The following CMSS1 variants were observed in gnomAD, a reference collection of about 807,000 sequenced individuals.
CMSS1 encodes protein CMSS1.
CMSS1 carries 33 observed loss-of-function variants against 43.5 expected under a neutral mutation model. The ratio of observed to expected loss-of-function variants is 0.76; its 90% confidence interval spans 0.57 to 1.01. CMSS1 has a LOEUF of 1.01. Ranked by LOEUF, CMSS1 falls within the 50% of genes least tolerant of loss-of-function variation. The pLI is 0.00. For synonymous variants in CMSS1, 115 were observed against 117.2 expected (o/e 0.98, Z 0.12); for missense variants, 313 against 326.4 (o/e 0.96, Z 0.32).
At chr3:99,851,434 C>T (rs1245222800) in intron 1 of CMSS1, among the ~76,000 whole-genome samples, 1 of 152,192 alleles carries the variant, frequency 6.6e-6, no homozygotes. Context: ...GGCTTCAAGG[C>T]CGACCCTACT....
At chr3:100,080,479 T>A (rs949711790) in intron 1 of CMSS1, among the ~76,000 whole-genome samples, 2 of 152,184 alleles carry the variant, frequency 1.3e-5, no homozygotes, top group African/African-American at 4.8e-5. Flanking sequence ...AATTTTATAG[T>A]AAGAGATGGG....
At chr3:100,130,119 A>G (rs530055535) in intron 1 of CMSS1, among the ~76,000 whole-genome samples, 17 of 152,318 alleles carry the variant, frequency 1.1e-4, no homozygotes, top group East Asian at 5.8e-4. Context: ...CCTGAGCCCT[A>G]TAGCCTATTT....
At chr3:100,132,557 C>T (rs190706663) in intron 1 of CMSS1, among the ~76,000 whole-genome samples, 3 of 152,150 alleles carry the variant, frequency 2.0e-5, no homozygotes, top group Non-Finnish European at 4.4e-5. Context: ...CGGTGGCTCA[C>T]GCCTGTAATC....
chr3:99,908,480 T>C (rs1706691353), intron 1 of CMSS1, among the ~76,000 whole-genome samples: 1 of 152,194 alleles, frequency 6.6e-6, no homozygotes, highest in Non-Finnish European at 1.5e-5. Flanking sequence ...GAATCTATAC[T>C]TTTAAGTGTC....
chr3:100,078,899 C>T lies in CMSS1; in HGVS notation c.65-68074C>T, dbSNP rs185556834. Among the ~76,000 whole-genome samples, 9 of 151,978 alleles carry T rather than the reference C, an allele frequency of 5.9e-5. 1 individual carries two copies. The highest frequency in any genetic ancestry group is 4.6e-4 in the Admixed American group (7 of 15,254). Reference sequence around the variant, plus strand: ...GAGTGGGACTCCATATCAAAAAAAACGGAAAAAAAGATTGCAAAAAATCTC... The same window carrying T: ...GAGTGGGACTCCATATCAAAAAAAATGGAAAAAAAGATTGCAAAAAATCTC... On this transcript the variant is annotated intron_variant, in intron 1 of 9. Coordinates refer to ENST00000421999, the MANE Select transcript of CMSS1 (RefSeq NM_032359.4).
rs1020793594 is a variant in CMSS1 at position 100,179,628 on chromosome 3, C to T, written c.*1240C>T. ...TCCCAAGGCCTTAGGCAGCTCTGCC[C>T]CTGTGGCTCTGCAGGGTACAGTCCC... is the stretch of plus-strand genomic sequence containing the variant. On this transcript the variant is annotated 3_prime_UTR_variant, in exon 10 of 10. Transcript: ENST00000421999. 9.2e-5 allele frequency: 14 copies of T among 152,300 alleles called. No individual in the cohort carries two copies. The highest frequency in any genetic ancestry group is 2.1e-4 in the South Asian group (1 of 4,830). The allele number at this position is 152,300 out of a possible 1,614,324, so 9.4% of individuals were successfully genotyped here.
chr3:99,899,492 T>A (rs1031724470), intron 1 of CMSS1, among the ~76,000 whole-genome samples: 1 of 152,214 alleles, frequency 6.6e-6, no homozygotes, highest in African/African-American at 2.4e-5. Flanking sequence ...ACTAAACAAG[T>A]TATTGTATAT....
intron 1 of CMSS1, among the ~76,000 whole-genome samples, chr3:99,992,605 T>G (rs1490585004): frequency 2.6e-5 from 4 of 152,132 alleles, no homozygotes; most frequent in Non-Finnish European, 5.9e-5. Flanking sequence ...TTTTTCCCAT[T>G]CTATAGATGG....
intron 1 of CMSS1, among the ~76,000 whole-genome samples, chr3:99,994,091 A>G (rs1177869662): frequency 2.0e-5 from 3 of 152,010 alleles, no homozygotes; most frequent in Non-Finnish European, 4.4e-5. Flanking sequence ...AATCCATTTG[A>G]TCTTGTGCTT....
At chr3:100,008,741 AT>A (rs1214674020) in intron 1 of CMSS1, among the ~76,000 whole-genome samples, 1 of 152,210 alleles carries the variant, frequency 6.6e-6, no homozygotes, top group African/African-American at 2.4e-5. Flanking sequence ...TCTTACTGTT[AT>A]AAACTCTAGA....
At chr3:100,084,979 TC>T (rs2065985048) in intron 1 of CMSS1, among the ~76,000 whole-genome samples, 2 of 152,240 alleles carry the variant, frequency 1.3e-5, no homozygotes, top group South Asian at 4.1e-4. Context: ...TCTGTCCATG[TC>T]TTTAGCTTCA....
rs771574335 is a variant in CMSS1, at chr3:99,823,771, C to G, written c.64+5728C>G. On this transcript the variant is annotated intron_variant, in intron 1 of 9. Transcript: ENST00000421999. The stretch of plus-strand genomic sequence containing the variant: ...TGGCTGGTGGCCACCAGGTCTTCTA[C>G]TATTTACTCCCCTATAGTTTATGCT... Among the ~76,000 whole-genome samples the G allele has an allele frequency of 9.2e-4, 140 of 152,228 alleles. 1 individual carries two copies. Among genetic ancestry groups the G allele is most frequent in the Non-Finnish European group, 2.8e-4 (19 of 68,004 alleles).
chr3:100,068,793 A>C (rs1480136950), intron 1 of CMSS1, among the ~76,000 whole-genome samples: 7 of 152,146 alleles, frequency 4.6e-5, no homozygotes, highest in Admixed American at 2.0e-4. Flanking sequence ...ATGCCCAGCT[A>C]ATTTTTGTAT....
chr3:100,029,017 A>G (rs2064977186), intron 1 of CMSS1, among the ~76,000 whole-genome samples: 1 of 151,934 alleles, frequency 6.6e-6, no homozygotes. Flanking sequence ...CAATTCAATT[A>G]TTTTTCTTTA....
At chr3:100,150,427 A>G (rs928331802) in intron 2 of CMSS1, among the ~76,000 whole-genome samples, 1 of 152,112 alleles carries the variant, frequency 6.6e-6, no homozygotes, top group Non-Finnish European at 1.5e-5. Context: ...GTTTTTCTTT[A>G]TGCTTGTACA....
intron 1 of CMSS1, among the ~76,000 whole-genome samples, chr3:100,129,697 C>A (rs764671377): frequency 6.6e-6 from 1 of 152,204 alleles, no homozygotes. Flanking sequence ...TCAGCTATCC[C>A]CAGCTCTATA....
intron 1 of CMSS1, among the ~76,000 whole-genome samples, chr3:100,047,018 G>A (rs1257747138): frequency 2.0e-5 from 3 of 152,170 alleles, no homozygotes; most frequent in Non-Finnish European, 2.9e-5. Context: ...CAGTGCTCCC[G>A]ACTTGAGTTT....
chr3:100,103,252 C>G (rs2066338970), intron 1 of CMSS1, among the ~76,000 whole-genome samples: 1 of 152,162 alleles, frequency 6.6e-6, no homozygotes, highest in Admixed American at 6.6e-5. Context: ...GGCAGCAGCT[C>G]ACAGTGGCAG....
chr3:99,896,536 C>G (rs571505751), intron 1 of CMSS1, among the ~76,000 whole-genome samples: 2 of 151,962 alleles, frequency 1.3e-5, no homozygotes, highest in Non-Finnish European at 2.9e-5. Context: ...CAAAAGAGAA[C>G]GTAGTCAGGA....
Sources: allele counts gnomAD v4.1 joint callset (sites outside exome capture counted in the v4.1 genomes callset), GRCh38; gene constraint gnomAD v4.1.1; transcripts MANE v1.5; gene names NCBI Gene and HGNC (gene_info 2026-07-23, HGNC 2026-07-21).